Variants in TRAP1 observed in about 807,000 individuals in gnomAD.
TRAP1 encodes the protein TNF receptor associated protein 1, also known as heat shock protein 75 kDa, mitochondrial.
TRAP1 carries 102 observed loss-of-function variants against 89.1 expected under a neutral mutation model. The observed-to-expected ratio is 1.15, with a 90% CI of 0.98 to 1.35. The LOEUF (loss-of-function observed/expected upper bound fraction) is 1.35. Ranked by LOEUF, TRAP1 falls within the 40% of genes most tolerant of loss-of-function variation. The pLI is 0.00. For synonymous variants in TRAP1, 508 were observed against 388.0 expected (o/e 1.31, Z -3.64); for missense variants, 1,256 against 945.3 (o/e 1.33, Z -4.31).
intron 16 of TRAP1, chr16:3,661,004 AT>A (rs1253152205): frequency 1.3e-5 from 2 of 152,062 alleles, no homozygotes; most frequent in African/African-American, 4.8e-5. Flanking sequence ...GCTGTTTTCT[AT>A]TTTTGGTAAC....
At chr16:3,690,681 GCGCAGCA>G in intron 2 of TRAP1, 139 bp downstream of exon 2, 1 of 870,392 alleles carries the variant, frequency 1.1e-6, no homozygotes, top group Non-Finnish European at 1.6e-6. Flanking sequence ...GAAATGGAGG[GCGCAGCA>G]CTCCCTACAG....
chr16:3,685,908 C>T, intron 4 of TRAP1, 88 bp downstream of exon 4: 1 of 1,489,858 alleles, frequency 6.7e-7, no homozygotes, highest in South Asian at 1.3e-5. Context: ...GCCAGTACGT[C>T]CCTGGGACCC....
At chr16:3,681,990 T>C (rs940820257) in intron 4 of TRAP1, among the ~76,000 whole-genome samples, 2 of 152,204 alleles carry the variant, frequency 1.3e-5, no homozygotes, top group South Asian at 2.1e-4. Context: ...GACAGTGCGA[T>C]GTGGGCATTT....
chr16:3,658,527 C>T (rs1312840135), intron 17 of TRAP1: 2 of 566,664 alleles, frequency 3.5e-6, no homozygotes, highest in South Asian at 4.3e-5. Flanking sequence ...TACTAAAATA[C>T]AAAATTAGCC....
At chr16:3,693,622 G>C (rs955458282) in intron 1 of TRAP1, among the ~76,000 whole-genome samples, 1 of 152,100 alleles carries the variant, frequency 6.6e-6, no homozygotes, top group Non-Finnish European at 1.5e-5. Context: ...GGATAAACCA[G>C]AAACTGATGT....
At position 3,677,563 on chromosome 16, in the gene TRAP1, G is replaced by C. The variant is rs1189814527; in HGVS notation, c.639C>G (p.Asp213Glu). 1 of 1,614,184 alleles carries C rather than the reference G, an allele frequency of 6.2e-7. No homozygotes were observed. The highest frequency in any genetic ancestry group is 8.5e-7 in the Non-Finnish European group (1 of 1,180,026). The change falls in exon 6 of 18, where the codon GAC becomes GAG. Residue 213 changes from aspartate to glutamate, a missense_variant. Coordinates refer to ENST00000246957, the MANE Select transcript of TRAP1 (RefSeq NM_016292.3). ...CCGAGCGGGAATAGACCTCCACTCT[G>C]TCAGCCACCATGAAAGCTGAGTAGA... ...VGFYSAFMVA[D>E]RVEVYSRSAA...
chr16:3,671,657 G>C, intron 11 of TRAP1, 65 bp downstream of exon 11: 1 of 1,559,798 alleles, frequency 6.4e-7, no homozygotes, highest in Middle Eastern at 1.7e-4. Context: ...GGGCCCTCTG[G>C]GGGCAAAGGA....
In TRAP1 at chr16:3,710,981, C is replaced by T. The variant is rs180681078; in HGVS notation, c.88+6440G>A. Among the ~76,000 whole-genome samples, 683 of 150,090 alleles carry T rather than the reference C, an allele frequency of 4.6e-3. 6 individuals are homozygous for T. The highest frequency in any genetic ancestry group is 0.016 in the African/African-American group (650 of 40,572). ...GACTTCTCAAGGCTTAAGGGAGCCT[C>T]CCACTTCAGCCTCTTGGGTAGCTGG... On this transcript the variant is annotated intron_variant, in intron 1 of 17. Coordinates refer to ENST00000246957, the MANE Select transcript of TRAP1 (RefSeq NM_016292.3).
intron 17 of TRAP1, 116 bp downstream of exon 17, chr16:3,658,665 CCATCTCAAAAAA>C: frequency 1.1e-6 from 1 of 905,938 alleles, no homozygotes; most frequent in Admixed American, 2.4e-5. Flanking sequence ...GAGCAACACT[CCATCTCAAAAAA>C]CAAACAAACA....
chr16:3,669,832 CAAAAAAAAAAAA>C (rs59256364), intron 11 of TRAP1, among the ~76,000 whole-genome samples: 15 of 66,146 alleles, frequency 2.3e-4, no homozygotes, highest in Admixed American at 1.2e-3. Context: ...GACTCCGTCT[CAAAAAAAAAAAA>C]AAAAAAAAAA....
chr16:3,686,187 AG>A (rs748444830), intron 3 of TRAP1, 51 bp from the exon 4 acceptor site: 27 of 1,595,574 alleles, frequency 1.7e-5, no homozygotes, highest in Non-Finnish European at 2.3e-5. Context: ...CTCATCCTGC[AG>A]GATCTATCTG....
Position 3,666,217 on chromosome 16 carries a change from G to C in TRAP1, c.1236-99C>G, listed in dbSNP as rs576361147. 1.3e-4 allele frequency: 193 copies of C among 1,430,512 alleles called. 3 individuals carry two copies. The South Asian group carries it at 2.2e-3, about 16-fold the overall frequency. The allele number at this position is 1,430,512 out of a possible 1,614,324, so 88.6% of individuals were successfully genotyped here. A position where few individuals can be genotyped will look rare whatever the true frequency, so the allele number is the denominator to read the frequency against. ...ATGTTCAGCCCCGCTAAGAATCAAA[G>C]AAGTGAAAACAACAAGGTACCGTTA... On this transcript the variant is annotated intron_variant, in intron 11 of 17. Transcript: ENST00000246957.
intron 3 of TRAP1, among the ~76,000 whole-genome samples, chr16:3,688,711 T>C (rs1001712365): frequency 2.6e-5 from 4 of 152,092 alleles, no homozygotes; most frequent in African/African-American, 9.7e-5. Context: ...CTCAAACTCC[T>C]GGGCTCAAGT....
intron 3 of TRAP1, 27 bp from the exon 4 acceptor site, chr16:3,686,163 G>C: frequency 6.2e-7 from 1 of 1,610,416 alleles, no homozygotes; most frequent in African/African-American, 1.3e-5. Flanking sequence ...GGGAGGCACA[G>C]ACAATGAAGG....
chr16:3,679,572 C>G, intron 5 of TRAP1, 147 bp downstream of exon 5: 1 of 786,624 alleles, frequency 1.3e-6, no homozygotes, highest in Non-Finnish European at 2.1e-6. Context: ...GGATGGCTGT[C>G]ATGTCATGAG....
At chr16:3,682,622 A>G (rs1445408028) in intron 4 of TRAP1, among the ~76,000 whole-genome samples, 3 of 152,094 alleles carry the variant, frequency 2.0e-5, no homozygotes, top group Admixed American at 6.6e-5. Context: ...TGAACTCCTG[A>G]GCTCAGACAA....
rs542341131 is a variant in TRAP1 at position 3,677,256 on chromosome 16, G to A, written c.704+242C>T. On this transcript the variant is annotated intron_variant, in intron 6 of 17. Transcript: ENST00000246957. ...GCTCAGCCACTGAGAAAGGAGCTCAGCGCGGGCCGGACCTGCCTTCCCGAG... is the reference window on the plus strand; with the variant it reads ...GCTCAGCCACTGAGAAAGGAGCTCAACGCGGGCCGGACCTGCCTTCCCGAG... Among the ~76,000 whole-genome samples, 592 of 152,266 alleles carry A rather than the reference G, an allele frequency of 3.9e-3. 2 individuals are homozygous for A. Among genetic ancestry groups the A allele is most frequent in the African/African-American group, 0.013 (555 of 41,548 alleles).
intron 11 of TRAP1, 76 bp from the exon 12 acceptor site, chr16:3,666,194 G>A (rs77081292): frequency 6.6e-7 from 1 of 1,504,382 alleles, no homozygotes. Flanking sequence ...ACGAAAAAAT[G>A]TTCAGCCCCG....
intron 9 of TRAP1, 139 bp downstream of exon 9, chr16:3,674,200 C>T (rs1223490134): frequency 1.4e-5 from 17 of 1,201,110 alleles, no homozygotes; most frequent in Admixed American, 2.4e-5. Context: ...GGATAACAGG[C>T]GTGAGCCACC....
Sources: gnomAD v4.1 joint callset for allele counts (sites outside exome capture counted in the v4.1 genomes callset) on GRCh38, gnomAD v4.1.1 for gene constraint, MANE v1.5 for transcripts, NCBI Gene and HGNC (gene_info 2026-07-23, HGNC 2026-07-21) for gene names.